The following FKBP15 variants were observed in gnomAD, a reference collection of about 807,000 sequenced individuals.
The protein encoded by FKBP15 is FK506-binding protein 15.
In FKBP15, 106 loss-of-function variants were observed where a neutral mutation model predicts 158.1. The ratio of observed to expected loss-of-function variants is 0.67; its 90% CI spans 0.57 to 0.79. The LOEUF (loss-of-function observed/expected upper bound fraction) is 0.79. FKBP15 is among the 30% of genes least tolerant of loss of function. FKBP15 has a pLI of 0.00. For missense variants in FKBP15, 1,287 were observed against 1,479.1 expected, an observed-to-expected ratio of 0.87 and a Z score of 2.13; for synonymous variants, 547 against 548.6, an observed-to-expected ratio of 1.00 and a Z score of 0.04.
At chr9:113,202,887 A>G in intron 5 of FKBP15, 74 bp downstream of exon 5, 1 of 1,189,836 alleles carries the variant, frequency 8.4e-7, no homozygotes, top group Non-Finnish European at 1.2e-6. Context: ...AATTTCTATT[A>G]GGTACAATCA....
chr9:113,205,199 A>T (rs1830864512), intron 4 of FKBP15, among the ~76,000 whole-genome samples: 1 of 152,244 alleles, frequency 6.6e-6, no homozygotes, highest in South Asian at 2.1e-4. Context: ...CTTCACCAAA[A>T]TTAAAAACTT....
At position 113,169,630 on chromosome 9, in the gene FKBP15, G is replaced by A. The variant is rs769767013; in HGVS notation, c.3079C>T (p.Pro1027Ser). The A allele has an allele frequency of 6.2e-7, 1 of 1,614,012 alleles. No individual in the cohort carries two copies. The highest frequency in any genetic ancestry group is 1.1e-5 in the South Asian group (1 of 91,092). ...TGGGATGGGATGCAAGACAGTTCGG[G>A]TGGAAGGGAACCATCTTTTATCTCT... ...LSEIKDGSLP[P>S]ELSCIPSHRV... The change falls in exon 26 of 28, where the codon CCC (proline) becomes TCC (serine). Residue 1027 changes from proline to serine, a missense_variant. By Grantham distance (74) the Pro-to-Ser change is moderately conservative (BLOSUM62 -1). Transcript: ENST00000238256.
At chr9:113,202,880 T>A in intron 5 of FKBP15, 81 bp downstream of exon 5, 1 of 1,162,254 alleles carries the variant, frequency 8.6e-7, no homozygotes, top group Non-Finnish European at 1.3e-6. Context: ...TGGATCTAAT[T>A]TCTATTAGGT....
At chr9:113,194,806 T>C (rs1830639705) in intron 9 of FKBP15, among the ~76,000 whole-genome samples, 1 of 152,234 alleles carries the variant, frequency 6.6e-6, no homozygotes, top group Non-Finnish European at 1.5e-5. Flanking sequence ...TTCACTGTTA[T>C]GATCTATAGG....
At position 113,173,437 on chromosome 9, in the gene FKBP15, C is replaced by T. The variant is rs773115493; in HGVS notation, c.2532+16G>A. The T allele has an allele frequency of 1.2e-6, 2 of 1,609,630 alleles. No homozygotes were observed. The highest frequency in any genetic ancestry group is 1.7e-5 in the Admixed American group (1 of 59,926). ...ACTGGGCTGCCTAAACTGTCTGACT[C>T]AAGAAAAATATGTACCTTTTCCTGA... On this transcript the variant is annotated intron_variant, in intron 23 of 27. Coordinates refer to ENST00000238256, the MANE Select transcript of FKBP15 (RefSeq NM_015258.2).
chr9:113,179,555 G>A (rs1206856489), intron 19 of FKBP15, among the ~76,000 whole-genome samples: 2 of 151,656 alleles, frequency 1.3e-5, no homozygotes, highest in Non-Finnish European at 2.9e-5. Flanking sequence ...CCAGCTACTC[G>A]GAGGCTGAGG....
intron 1 of FKBP15, among the ~76,000 whole-genome samples, chr9:113,212,137 C>T (rs1831018964): frequency 6.6e-6 from 1 of 152,114 alleles, no homozygotes; most frequent in Non-Finnish European, 1.5e-5. Flanking sequence ...AAATCTTATC[C>T]CCCACCATTC....
rs762389573 is a variant in FKBP15, at chr9:113,161,861, C to T, written c.*4217G>A. On this transcript the variant is annotated 3_prime_UTR_variant, in exon 28 of 28. Coordinates refer to ENST00000238256, the MANE Select transcript of FKBP15 (RefSeq NM_015258.2). ...ACACATAGCCAAGTGAACTAGAGCT[C>T]ATGTCTCCTGATGCCCAGGCCAAAG... The T allele has an allele frequency of 5.2e-6, 4 of 769,130 alleles. No individual in the cohort carries two copies. Among genetic ancestry groups the T allele is most frequent in the Non-Finnish European group, 8.9e-6 (4 of 447,234 alleles). The allele number at this position is 769,130 out of a possible 1,614,324, so 47.6% of individuals were successfully genotyped here.
rs750498187 is a variant in FKBP15, at chr9:113,198,074, G to A, written c.717+781C>T. ...ACATTCTTTATTTTATAAAACACCT[G>A]CACAGTTAATAAAGAAAAAATTCAC... On this transcript the variant is annotated intron_variant, in intron 8 of 27. Coordinates refer to ENST00000238256, the MANE Select transcript of FKBP15 (RefSeq NM_015258.2). This position sits in a 1 kb window ranked among gnomAD's most constrained non-coding sequence, Gnocchi z 5.2. Among the ~76,000 whole-genome samples, 2 of 152,074 alleles carry A rather than the reference G, an allele frequency of 1.3e-5. No individual in the cohort carries two copies. The highest frequency in any genetic ancestry group is 2.9e-5 in the Non-Finnish European group (2 of 68,006).
intron 10 of FKBP15, 23 bp downstream of exon 10, chr9:113,194,003 CT>C: frequency 3.8e-6 from 6 of 1,581,500 alleles, no homozygotes; most frequent in Non-Finnish European, 5.2e-6. Flanking sequence ...CATAAAAGAG[CT>C]TGATACAACT....
At position 113,184,603 on chromosome 9, in the gene FKBP15, T is replaced by C. The variant is rs1046071209; in HGVS notation, c.1608+92A>G. 5.5e-6 allele frequency: 6 copies of C among 1,082,834 alleles called. No individual in the cohort carries two copies. The African/African-American group carries it at 7.8e-5, about 14-fold the overall frequency. 67.1% of individuals were successfully genotyped at this position (1,082,834 alleles called of 1,614,324 possible). On this transcript the variant is annotated intron_variant, in intron 16 of 27. Coordinates refer to ENST00000238256, the MANE Select transcript of FKBP15 (RefSeq NM_015258.2). The surrounding 1 kb of genome is among the most constrained non-coding windows in gnomAD (Gnocchi z 4.5). ...GGAAATAACCTCTCACTACTACCAA[T>C]GCAGGAAATCAAAGAAGAGTTTACC...
rs1042845480 is a variant in FKBP15, at chr9:113,200,028, G to A, written c.499-65C>T. 6 of 1,489,170 alleles carry A rather than the reference G, an allele frequency of 4.0e-6. No individual in the cohort carries two copies. The African/African-American group carries it at 7.0e-5, about 17-fold the overall frequency. 92.2% of individuals were successfully genotyped at this position (1,489,170 alleles called of 1,614,324 possible). A position where few individuals can be genotyped will look rare whatever the true frequency, so the allele number is the denominator to read the frequency against. On this transcript the variant is annotated intron_variant, in intron 6 of 27. Coordinates refer to ENST00000238256, the MANE Select transcript of FKBP15 (RefSeq NM_015258.2). ...CTCAATAAGTACTCATTCCTTTATT[G>A]CTACTGCTCTTTCTCAAATAGCTTC...
rs776317369 is a variant in FKBP15 at position 113,161,830 on chromosome 9, G to T, written c.*4248C>A. The stretch of plus-strand genomic sequence containing the variant: ...CAGGGAAGGACCAGGACTTGCCAAA[G>T]TGGCTACACATAGCCAAGTGAACTA... On this transcript the variant is annotated 3_prime_UTR_variant, in exon 28 of 28. Transcript: ENST00000238256. The T allele has an allele frequency of 4.0e-6, 4 of 998,422 alleles. No individual in the cohort carries two copies. Among genetic ancestry groups the T allele is most frequent in the Non-Finnish European group, 4.6e-6 (3 of 649,744 alleles). 61.8% of individuals were successfully genotyped at this position (998,422 alleles called of 1,614,324 possible).
chr9:113,210,839 G>A (rs551511004), intron 2 of FKBP15, among the ~76,000 whole-genome samples: 6 of 152,296 alleles, frequency 3.9e-5, no homozygotes, highest in African/African-American at 1.2e-4. Flanking sequence ...TTTCTCCTGC[G>A]CTGGATGCTT....
chr9:113,215,644 ATT>A lies in FKBP15; in HGVS notation c.54-4054_54-4053del, dbSNP rs1285341545. ...TGTGTGTATATATATATATATATATATTTTTTTTTTTTTTTTTTTTTTTGAGA... is the reference window on the plus strand; with the variant it reads ...TGTGTGTATATATATATATATATATATTTTTTTTTTTTTTTTTTTTTGAGA... On this transcript the variant is annotated intron_variant, in intron 1 of 27. Coordinates refer to ENST00000238256, the MANE Select transcript of FKBP15 (RefSeq NM_015258.2). 8.4e-3 allele frequency among the ~76,000 whole-genome samples: 519 copies of A among 61,496 alleles called. 3 individuals carry two copies. The highest frequency in any genetic ancestry group is 0.031 in the African/African-American group (420 of 13,736). The allele number at this position is 61,496 out of a possible 152,430, so 40.3% of individuals were successfully genotyped here.
chr9:113,194,776 T>C (rs1180668872), intron 9 of FKBP15, among the ~76,000 whole-genome samples: 3 of 152,222 alleles, frequency 2.0e-5, no homozygotes, highest in Admixed American at 1.3e-4. Flanking sequence ...AAGAGTATAT[T>C]TAACTTCAAG....
In FKBP15 at chr9:113,184,605, CA is replaced by C. The variant is rs1235304029; in HGVS notation, c.1608+89del. The C allele has an allele frequency of 3.6e-6, 4 of 1,100,582 alleles. No homozygotes were observed. In the East Asian group the frequency reaches 1.0e-4, roughly 28 times the overall value. 68.2% of individuals were successfully genotyped at this position (1,100,582 alleles called of 1,614,324 possible). A position where few individuals can be genotyped will look rare whatever the true frequency, so the allele number is the denominator to read the frequency against. ...AAATAACCTCTCACTACTACCAATG[CA>C]GGAAATCAAAGAAGAGTTTACCTAC... On this transcript the variant is annotated intron_variant, in intron 16 of 27. Coordinates refer to ENST00000238256, the MANE Select transcript of FKBP15 (RefSeq NM_015258.2). This position sits in a 1 kb window ranked among gnomAD's most constrained non-coding sequence, Gnocchi z 4.5.
intron 20 of FKBP15, 135 bp downstream of exon 20, chr9:113,178,495 T>C: frequency 1.3e-6 from 1 of 792,110 alleles, no homozygotes; most frequent in South Asian, 1.9e-5. Flanking sequence ...GGTTTTATAC[T>C]AGTCTCCTTT....
chr9:113,204,133 A>G (rs1300907308), intron 4 of FKBP15, among the ~76,000 whole-genome samples: 4 of 152,114 alleles, frequency 2.6e-5, no homozygotes, highest in African/African-American at 4.8e-5. Flanking sequence ...GCTGGAGTGC[A>G]ATGGCATGAT....
Sources: allele counts gnomAD v4.1 joint callset (sites outside exome capture counted in the v4.1 genomes callset), GRCh38; gene constraint gnomAD v4.1.1; non-coding constraint Gnocchi (gnomAD v3.1); transcripts MANE v1.5; gene names NCBI Gene and HGNC (gene_info 2026-07-23, HGNC 2026-07-21).